MYOM2: variants seen among roughly 807,000 people sequenced by gnomAD.
The protein encoded by MYOM2 is myomesin-2.
Under a neutral mutation model 187.6 loss-of-function variants are expected in MYOM2, and 254 were observed. That is an observed-to-expected ratio of 1.35 (90% CI 1.22 to 1.50). MYOM2 has a LOEUF of 1.50. Ranked by LOEUF, MYOM2 falls within the 40% of genes most tolerant of loss-of-function variation. The pLI, the probability that MYOM2 is intolerant of heterozygous loss-of-function variation, is 0.00. For synonymous variants in MYOM2, 981 were observed against 753.8 expected (o/e 1.30, Z -4.94); for missense variants, 2,796 against 1,924.0 (o/e 1.45, Z -8.48).
At chr8:2,099,024 G>C (rs1302874504) in intron 19 of MYOM2, 41 bp downstream of exon 19, 2 of 1,557,442 alleles carry the variant, frequency 1.3e-6, no homozygotes, top group Non-Finnish European at 1.7e-6. Flanking sequence ...CCAGCGCACA[G>C]GCTGGCTGGG....
intron 25 of MYOM2, among the ~76,000 whole-genome samples, chr8:2,111,977 G>C (rs1331498228): frequency 6.6e-6 from 1 of 152,168 alleles, no homozygotes; most frequent in African/African-American, 2.4e-5. Context: ...CAAAACCTGG[G>C]GTAGGAGTGG....
chr8:2,113,064 T>C (rs1797120201), intron 25 of MYOM2, among the ~76,000 whole-genome samples: 1 of 152,150 alleles, frequency 6.6e-6, no homozygotes, highest in Admixed American at 6.5e-5. Flanking sequence ...ATCCGACAGG[T>C]AGATGCAGAT....
intron 36 of MYOM2, among the ~76,000 whole-genome samples, 180 bp downstream of exon 36, chr8:2,143,636 T>C (rs747682811): frequency 6.6e-5 from 10 of 152,112 alleles, no homozygotes; most frequent in Non-Finnish European, 7.4e-5. Flanking sequence ...GAATAGCCCC[T>C]GTATTCTCAA....
intron 10 of MYOM2, among the ~76,000 whole-genome samples, chr8:2,075,417 A>T (rs1488191263): frequency 6.6e-6 from 1 of 152,184 alleles, no homozygotes; most frequent in Admixed American, 6.5e-5. Context: ...AGGCTTTTGA[A>T]TGTGAGAGGA....
chr8:2,129,059 C>T (rs574718112), intron 31 of MYOM2, 68 bp from the exon 32 acceptor site: 8 of 1,213,520 alleles, frequency 6.6e-6, no homozygotes, highest in East Asian at 2.4e-5. Flanking sequence ...CTTGCCGCCG[C>T]GATGCTTTCT....
chr8:2,084,770 G>A (rs754642968), intron 13 of MYOM2, among the ~76,000 whole-genome samples: 1 of 152,198 alleles, frequency 6.6e-6, no homozygotes, highest in Non-Finnish European at 1.5e-5. Context: ...GGAGGAGCAG[G>A]CAAGGTGTTT....
chr8:2,134,638 C>G (rs1023519208), intron 32 of MYOM2, among the ~76,000 whole-genome samples: 1 of 152,116 alleles, frequency 6.6e-6, no homozygotes, highest in Non-Finnish European at 1.5e-5. Context: ...CTCTGTGCAT[C>G]TCCTCATTCA....
chr8:2,132,007 A>T (rs927119355), intron 32 of MYOM2, among the ~76,000 whole-genome samples: 3 of 152,240 alleles, frequency 2.0e-5, no homozygotes, highest in African/African-American at 7.2e-5. Context: ...CTATTTGACT[A>T]TTAAACAACA....
intron 21 of MYOM2, among the ~76,000 whole-genome samples, chr8:2,104,568 G>A (rs1324198941): frequency 1.3e-5 from 2 of 151,576 alleles, no homozygotes; most frequent in Non-Finnish European, 2.9e-5. Flanking sequence ...TCGCGCCACT[G>A]CACTCTAGCC....
chr8:2,092,233 C>A, intron 15 of MYOM2, 113 bp from the exon 16 acceptor site: 1 of 1,301,486 alleles, frequency 7.7e-7, no homozygotes, highest in Non-Finnish European at 1.1e-6. Context: ...TGAATTTCTT[C>A]CAAAGCCCCC....
rs768003493 is a variant in MYOM2, at chr8:2,093,991, C to T, written c.2025C>T (p.Thr675=). ...GYNRFVVHGL[T]TGEQYIFRVK... is the part of the protein sequence containing the mutation. The stretch of plus-strand genomic sequence containing the variant: ...TCAGGTTCGTGGTGCACGGCTTAAC[C>T]ACGGGAGAGCAGTACATCTTCCGAG... Residue 675 remains threonine (T), a synonymous_variant, in exon 17 of 37, where the codon ACC becomes ACT. Transcript: ENST00000262113. 6.2e-7 allele frequency: 1 copy of T among 1,614,182 alleles called. No individual in the cohort carries two copies. The highest frequency in any genetic ancestry group is 8.5e-7 in the Non-Finnish European group (1 of 1,180,046).
chr8:2,072,886 C>T (rs1479297378), intron 9 of MYOM2, among the ~76,000 whole-genome samples: 1 of 152,202 alleles, frequency 6.6e-6, no homozygotes, highest in Admixed American at 6.5e-5. Flanking sequence ...TTCTTTTCTT[C>T]CTTCCATCCA....
chr8:2,076,086 C>T (rs1225671486), intron 10 of MYOM2, 55 bp from the exon 11 acceptor site: 11 of 1,546,692 alleles, frequency 7.1e-6, no homozygotes, highest in African/African-American at 4.1e-5. Flanking sequence ...ACAGGCTTTG[C>T]AGTGACCCCA....
At chr8:2,064,741 G>A (rs765356718) in intron 6 of MYOM2, among the ~76,000 whole-genome samples, 22 of 152,302 alleles carry the variant, frequency 1.4e-4, no homozygotes, top group Non-Finnish European at 2.4e-4. Flanking sequence ...GAGGGGGGCC[G>A]TGGCCTGGGG....
In MYOM2 at chr8:2,076,240, A is replaced by G. The variant is rs768175123; in HGVS notation, c.1220A>G (p.Asn407Ser). The change falls in exon 11 of 37, where the codon AAC becomes AGC. Residue 407 changes from asparagine (N) to serine (S), a missense_variant. Asn to Ser is a conservative substitution (Grantham distance 46). Coordinates refer to ENST00000262113, the MANE Select transcript of MYOM2 (RefSeq NM_003970.4). ...DYVIVTWKPP[N>S]TTTESPVMGY... ...GTCATCGTGACCTGGAAGCCGCCCA[A>G]CACCACCACTGAGAGCCCCGTCATG... is the stretch of plus-strand genomic sequence containing the variant. 3.3e-5 allele frequency: 54 copies of G among 1,613,582 alleles called. No individual in the cohort carries two copies. Among genetic ancestry groups the G allele is most frequent in the East Asian group, 4.5e-5 (2 of 44,882 alleles).
At chr8:2,133,952 C>A (rs945517934) in intron 32 of MYOM2, among the ~76,000 whole-genome samples, 1 of 151,796 alleles carries the variant, frequency 6.6e-6, no homozygotes, top group African/African-American at 2.4e-5. Flanking sequence ...CACCCTCTTC[C>A]CCTGAGGTTA....
intron 14 of MYOM2, among the ~76,000 whole-genome samples, chr8:2,086,881 G>C (rs1335306537): frequency 6.6e-6 from 1 of 152,206 alleles, no homozygotes; most frequent in Non-Finnish European, 1.5e-5. Flanking sequence ...CAATCGTGTA[G>C]AGGAAATGCA....
At chr8:2,100,570 C>T (rs931871601) in intron 19 of MYOM2, 1 of 355,372 alleles carries the variant, frequency 2.8e-6, no homozygotes, top group African/African-American at 2.0e-5. Context: ...GAGAACCTGT[C>T]CTTTCCCGCA....
intron 7 of MYOM2, 34 bp downstream of exon 7, chr8:2,069,400 C>A: frequency 1.2e-6 from 2 of 1,613,898 alleles, no homozygotes; most frequent in Non-Finnish European, 1.7e-6. Flanking sequence ...GGGGCACCTC[C>A]CGCCTCCTTT....
Sources: allele counts gnomAD v4.1 joint callset (sites outside exome capture counted in the v4.1 genomes callset), GRCh38; gene constraint gnomAD v4.1.1; transcripts MANE v1.5; gene names NCBI Gene and HGNC (gene_info 2026-07-23, HGNC 2026-07-21).